Variants in STAT5B observed in about 807,000 individuals in gnomAD.
STAT5B encodes the protein signal transducer and activator of transcription 5B, also known as transcription factor STAT5B.
STAT5B carries 21 observed loss-of-function variants against 107.8 expected under a neutral mutation model. The ratio of observed to expected loss-of-function variants is 0.19; its 90% CI spans 0.14 to 0.28. The LOEUF (loss-of-function observed/expected upper bound fraction) is 0.28. STAT5B is among the 10% of genes least tolerant of loss of function. The pLI is 1.00. For synonymous variants in STAT5B, 325 were observed against 401.7 expected (o/e 0.81, Z 2.28); for missense variants, 565 against 1,008.2 (o/e 0.56, Z 5.95).
At chr17:42,219,051 G>A (rs1441101877) in intron 7 of STAT5B, among the ~76,000 whole-genome samples, 173 bp from the exon 8 acceptor site, 1 of 152,048 alleles carries the variant, frequency 6.6e-6, no homozygotes, top group Non-Finnish European at 1.5e-5. Context: ...CACAGGAGGG[G>A]CGACCCTGAC....
chr17:42,273,373 T>C (rs1474581399), intron 1 of STAT5B, among the ~76,000 whole-genome samples: 1 of 152,228 alleles, frequency 6.6e-6, no homozygotes, highest in Non-Finnish European at 1.5e-5. Flanking sequence ...TTAAAGTATT[T>C]TGATACTTTG....
chr17:42,250,549 T>C (rs1411492826), intron 1 of STAT5B, among the ~76,000 whole-genome samples: 2 of 152,198 alleles, frequency 1.3e-5, no homozygotes, highest in South Asian at 2.1e-4. Flanking sequence ...AGAATTATAA[T>C]AACAGTAGTA....
chr17:42,218,453 C>T (rs2080193259), intron 8 of STAT5B, 123 bp from the exon 9 acceptor site: 1 of 1,470,810 alleles, frequency 6.8e-7, no homozygotes, highest in African/African-American at 1.4e-5. Flanking sequence ...AGCTCGGGCA[C>T]AGCCTCTGTT....
rs1262552402 is a variant in STAT5B, at chr17:42,223,392, C to T, written c.540G>A (p.Leu180=). The change falls in exon 5 of 19, where the codon CTG becomes CTA. Residue 180 remains leucine, a synonymous_variant. Coordinates refer to ENST00000293328, the MANE Select transcript of STAT5B (RefSeq NM_012448.4). ...TCCACCGCGCCTCACCTTGGATCCTCAGGCTCTCCTGGTACTGGATGATGA... is the reference window on the plus strand; with the variant it reads ...TCCACCGCGCCTCACCTTGGATCCTTAGGCTCTCCTGGTACTGGATGATGA... The part of the protein sequence containing the change: ...EYFIIQYQES[L]RIQAQFGPLA... The T allele has an allele frequency of 6.2e-7, 1 of 1,614,242 alleles. No homozygotes were observed.
At position 42,265,497 on chromosome 17, in the gene STAT5B, C is replaced by T. The variant is rs867154452; in HGVS notation, c.-11+10751G>A. 1.1e-4 allele frequency among the ~76,000 whole-genome samples: 16 copies of T among 151,796 alleles called. No individual in the cohort carries two copies. The Middle Eastern group carries it at 0.01, about 97-fold the overall frequency. On this transcript the variant is annotated intron_variant, in intron 1 of 18. Transcript: ENST00000293328. ...CCTCCCGAGTAGCTGGGATTACAGG[C>T]ACGTGCCACCATGCCCAGCTAATTT...
At chr17:42,262,341 G>T (rs536124016) in intron 1 of STAT5B, among the ~76,000 whole-genome samples, 1 of 152,070 alleles carries the variant, frequency 6.6e-6, no homozygotes, top group Admixed American at 6.6e-5. Context: ...TTTATTTTTC[G>T]TAGAGATGGG....
chr17:42,281,370 A>G (rs2080795185), upstream of STAT5B, among the ~76,000 whole-genome samples: 3 of 152,194 alleles, frequency 2.0e-5, no homozygotes, highest in Admixed American at 1.3e-4. Context: ...GGCAGAGACT[A>G]ACTTTTCACC....
Position 42,213,527 on chromosome 17 carries a change from T to A in STAT5B, c.1474-1337A>T, listed in dbSNP as rs192156205. Reference sequence around the variant, plus strand: ...TGGCCACAAGTCTTTATTATTTATTTTTTATTTTTTATTTTTTTGAGACAG... The same window carrying A: ...TGGCCACAAGTCTTTATTATTTATTATTTATTTTTTATTTTTTTGAGACAG... On this transcript the variant is annotated intron_variant, in intron 12 of 18. Coordinates refer to ENST00000293328, the MANE Select transcript of STAT5B (RefSeq NM_012448.4). 2.1e-3 allele frequency among the ~76,000 whole-genome samples: 318 copies of A among 148,954 alleles called. 2 individuals carry two copies. Among genetic ancestry groups the A allele is most frequent in the Admixed American group, 5.9e-3 (88 of 14,944 alleles).
intron 1 of STAT5B, among the ~76,000 whole-genome samples, chr17:42,245,671 C>G (rs1216045909): frequency 6.6e-6 from 1 of 152,080 alleles, no homozygotes; most frequent in Non-Finnish European, 1.5e-5. Flanking sequence ...TACAGGTGCC[C>G]ACCACCATGC....
At chr17:42,219,889 A>G (rs758747395) in intron 5 of STAT5B, 47 bp from the exon 6 acceptor site, 2 of 1,613,492 alleles carry the variant, frequency 1.2e-6, no homozygotes, top group East Asian at 4.5e-5. Flanking sequence ...CCAGTGTCCA[A>G]CAGGAGGCCC....
intron 1 of STAT5B, among the ~76,000 whole-genome samples, chr17:42,243,465 G>A (rs768011707): frequency 1.3e-5 from 2 of 152,176 alleles, no homozygotes; most frequent in African/African-American, 2.4e-5. Context: ...TTCAGGTTGC[G>A]TAGAAGAATG....
intron 1 of STAT5B, among the ~76,000 whole-genome samples, chr17:42,270,259 T>C (rs1343700311): frequency 6.6e-6 from 1 of 152,078 alleles, no homozygotes; most frequent in African/African-American, 2.4e-5. Flanking sequence ...CTTAAATCTG[T>C]CTCAGAAATC....
At chr17:42,262,983 T>C (rs1382339956) in intron 1 of STAT5B, among the ~76,000 whole-genome samples, 1 of 38,510 alleles carries the variant, frequency 2.6e-5, no homozygotes, top group African/African-American at 1.7e-4. Context: ...TATATATATA[T>C]ATATATATAT....
chr17:42,275,117 C>T (rs1443567484), intron 1 of STAT5B: 2 of 152,232 alleles, frequency 1.3e-5, no homozygotes, highest in African/African-American at 4.8e-5. Context: ...CCTGGATACT[C>T]AACAAACAGC....
At chr17:42,242,513 T>C (rs1050633380) in intron 1 of STAT5B, among the ~76,000 whole-genome samples, 4 of 152,160 alleles carry the variant, frequency 2.6e-5, no homozygotes, top group African/African-American at 9.7e-5. Context: ...TGCCTCCAGA[T>C]ATGATTTGCT....
intron 16 of STAT5B, among the ~76,000 whole-genome samples, chr17:42,206,776 C>A (rs1006347390): frequency 6.6e-6 from 1 of 150,968 alleles, no homozygotes; most frequent in African/African-American, 2.4e-5. Flanking sequence ...GGTTTCTCCA[C>A]GTTGGTCAGG....
intron 5 of STAT5B, among the ~76,000 whole-genome samples, chr17:42,222,007 G>A (rs1411114935): frequency 7.2e-6 from 1 of 138,504 alleles, no homozygotes; most frequent in African/African-American, 2.9e-5. Context: ...GTGTGTGTGT[G>A]CTGTGTGTGG....
upstream of STAT5B, among the ~76,000 whole-genome samples, chr17:42,278,639 G>T (rs938279980): frequency 2.0e-4 from 31 of 152,082 alleles, no homozygotes; most frequent in African/African-American, 7.5e-4. Context: ...AGCCTTATGA[G>T]TAACTGGGAC....
rs919394114 is a variant in STAT5B at position 42,201,312 on chromosome 17, A to G, written c.*426T>C. 1.8e-6 allele frequency: 1 copy of G among 544,346 alleles called. No individual in the cohort carries two copies. The highest frequency in any genetic ancestry group is 3.2e-6 in the Non-Finnish European group (1 of 309,200). The allele number at this position is 544,346 out of a possible 1,614,324, so 33.7% of individuals were successfully genotyped here. A position where few individuals can be genotyped will look rare whatever the true frequency, so the allele number is the denominator to read the frequency against. On this transcript the variant is annotated 3_prime_UTR_variant, in exon 19 of 19. Transcript: ENST00000293328. ...GAGTGACGAAGACTCACTGGAGCAC[A>G]TGTGCTTTCTCCTCCCTTTGTCCTT...
Sources: gnomAD v4.1 joint callset for allele counts (sites outside exome capture counted in the v4.1 genomes callset) on GRCh38, gnomAD v4.1.1 for gene constraint, MANE v1.5 for transcripts, NCBI Gene and HGNC (gene_info 2026-07-23, HGNC 2026-07-21) for gene names.